The following USP45 variants were observed in gnomAD, a reference collection of about 807,000 sequenced individuals.
The protein encoded by USP45 is ubiquitin carboxyl-terminal hydrolase 45.
In USP45, 89 loss-of-function variants were observed where a neutral mutation model predicts 95.8. The observed-to-expected ratio is 0.93, with a 90% CI of 0.78 to 1.11. The LOEUF is 1.11. Ranked by LOEUF, USP45 falls within the 50% of genes least tolerant of loss-of-function variation. The pLI, the probability that USP45 is intolerant of heterozygous loss-of-function variation, is 0.00. For synonymous variants in USP45, 281 were observed against 316.2 expected, an observed-to-expected ratio of 0.89 and a Z score of 1.18; for missense variants, 898 against 942.5, an observed-to-expected ratio of 0.95 and a Z score of 0.62.
chr6:99,437,392 C>T lies in USP45; in HGVS notation c.2168G>A (p.Ser723Asn), dbSNP rs1780706154. ...PFCSATCKNA[S>N]VGDKVLYGLY... ...ACCGTAGAGAACTTTATCTCCCACA[C>T]TTGCATTCTTTTAAACAAAGAAAAA... is the stretch of plus-strand genomic sequence containing the variant. The change falls in exon 17 of 18, where the codon AGT becomes AAT. Residue 723 changes from serine to asparagine, a missense_variant. Transcript: ENST00000500704. The T allele has an allele frequency of 6.3e-7, 1 of 1,584,914 alleles. No individual in the cohort carries two copies. The highest frequency in any genetic ancestry group is 8.5e-7 in the Non-Finnish European group (1 of 1,172,386).
At chr6:99,510,322 T>C in intron 1 of USP45, 92 bp from the exon 2 acceptor site, 1 of 789,652 alleles carries the variant, frequency 1.3e-6, no homozygotes, top group Non-Finnish European at 2.0e-6. Flanking sequence ...CTGAAATGAC[T>C]TCAATTTCAA....
chr6:99,462,078 T>C, intron 13 of USP45: 3 of 985,358 alleles, frequency 3.0e-6, no homozygotes, highest in Non-Finnish European at 3.6e-6. Flanking sequence ...ACTTTTCTAA[T>C]TTTAGAACCG....
At chr6:99,441,485 T>C (rs1395551691) in intron 15 of USP45, among the ~76,000 whole-genome samples, 1 of 151,458 alleles carries the variant, frequency 6.6e-6, no homozygotes, top group Non-Finnish European at 1.5e-5. Flanking sequence ...TGAGCCGAGA[T>C]CGCGCCATTG....
chr6:99,468,995 T>C (rs1003708860), intron 9 of USP45, among the ~76,000 whole-genome samples: 2 of 152,124 alleles, frequency 1.3e-5, no homozygotes, highest in Non-Finnish European at 2.9e-5. Context: ...AAAAAGAAAA[T>C]AGACCATATG....
chr6:99,508,923 G>A, intron 2 of USP45, 141 bp from the exon 3 acceptor site: 1 of 648,020 alleles, frequency 1.5e-6, no homozygotes, highest in South Asian at 2.2e-5. Context: ...AAAGATATAT[G>A]CTATATAATT....
chr6:99,489,682 C>G (rs1299634373), intron 5 of USP45, among the ~76,000 whole-genome samples: 2 of 152,124 alleles, frequency 1.3e-5, no homozygotes, highest in Admixed American at 6.6e-5. Flanking sequence ...CACGGTGCCT[C>G]AGGCCTGTAA....
intron 8 of USP45, among the ~76,000 whole-genome samples, chr6:99,476,706 T>G (rs1391411790): frequency 6.6e-6 from 1 of 152,256 alleles, no homozygotes; most frequent in Non-Finnish European, 1.5e-5. Context: ...CAGTATTGTT[T>G]AAATCATTTG....
At chr6:99,515,348 G>C (rs1800963398) in intron 1 of USP45, 44 bp downstream of exon 1, 1 of 152,272 alleles carries the variant, frequency 6.6e-6, no homozygotes, top group Non-Finnish European at 1.5e-5. Flanking sequence ...AAACTGCGGC[G>C]ACCATACCGC....
upstream of USP45, among the ~76,000 whole-genome samples, chr6:99,517,267 C>T (rs531287788): frequency 6.6e-6 from 1 of 152,158 alleles, no homozygotes; most frequent in Non-Finnish European, 1.5e-5. Context: ...TATAACAAAA[C>T]ATCAAATAAA....
Position 99,465,064 on chromosome 6 carries a change from G to A in USP45, c.1164+16C>T, listed in dbSNP as rs746446520. 1 of 1,571,854 alleles carries A rather than the reference G, an allele frequency of 6.4e-7. No homozygotes were observed. Among genetic ancestry groups the A allele is most frequent in the South Asian group, 1.2e-5 (1 of 85,118 alleles). On this transcript the variant is annotated intron_variant, in intron 12 of 17. Transcript: ENST00000500704. Reference sequence around the variant, plus strand: ...GTTCTTCACCAAAGCTTCATCATTAGTTTTCTTCTCCTTACCCTTTCTTCT... The same window carrying A: ...GTTCTTCACCAAAGCTTCATCATTAATTTTCTTCTCCTTACCCTTTCTTCT...
At chr6:99,485,409 C>A (rs142166620) in intron 7 of USP45, among the ~76,000 whole-genome samples, 33 of 152,084 alleles carry the variant, frequency 2.2e-4, no homozygotes, top group African/African-American at 8.0e-4. Context: ...TTGCTGAAAA[C>A]GCAAGAAGGA....
At chr6:99,437,657 T>C (rs933559291) in intron 16 of USP45, among the ~76,000 whole-genome samples, 1 of 151,860 alleles carries the variant, frequency 6.6e-6, no homozygotes, top group African/African-American at 2.4e-5. Flanking sequence ...GTTTCTTTTT[T>C]TCTCTCTCTC....
chr6:99,504,904 T>C (rs749001929), intron 4 of USP45, among the ~76,000 whole-genome samples: 2 of 152,118 alleles, frequency 1.3e-5, no homozygotes, highest in Non-Finnish European at 2.9e-5. Context: ...GCCAATAGTA[T>C]TGAGATTGAG....
At chr6:99,487,727 G>A (rs757791996) in intron 7 of USP45, among the ~76,000 whole-genome samples, 14 of 151,696 alleles carry the variant, frequency 9.2e-5, no homozygotes, top group African/African-American at 2.7e-4. Flanking sequence ...CCCGGGAGGC[G>A]GAGCTTGCAG....
Position 99,503,757 on chromosome 6 carries a change from T to C in USP45, c.478+8A>G. 2 of 1,559,096 alleles carry C rather than the reference T, an allele frequency of 1.3e-6. No homozygotes were observed. The highest frequency in any genetic ancestry group is 1.7e-6 in the Non-Finnish European group (2 of 1,143,596). Reference sequence around the variant, plus strand: ...AACACAGATTCCTTTAGTCATCGCTTAACTTACTTGTTTGTGTTTTAGAAG... The same window carrying C: ...AACACAGATTCCTTTAGTCATCGCTCAACTTACTTGTTTGTGTTTTAGAAG... On this transcript the variant is annotated splice_region_variant and intron_variant, in intron 5 of 17. Coordinates refer to ENST00000500704, the MANE Select transcript of USP45 (RefSeq NM_001346022.3).
chr6:99,469,259 T>C (rs1427938104), intron 9 of USP45, among the ~76,000 whole-genome samples: 2 of 151,702 alleles, frequency 1.3e-5, no homozygotes, highest in Non-Finnish European at 2.9e-5. Context: ...CTACATCTCT[T>C]GTGTATGTTT....
chr6:99,458,992 T>C (rs1275289143), intron 13 of USP45, among the ~76,000 whole-genome samples: 2 of 152,210 alleles, frequency 1.3e-5, no homozygotes, highest in Admixed American at 6.5e-5. Context: ...ATTTATTTTT[T>C]CAACTTTTAT....
At chr6:99,474,895 C>T (rs372935213) in intron 9 of USP45, among the ~76,000 whole-genome samples, 23 of 152,252 alleles carry the variant, frequency 1.5e-4, no homozygotes, top group Admixed American at 1.2e-3. Flanking sequence ...ACTAATTTAA[C>T]GTTAAAGTCA....
At chr6:99,509,638 G>C (rs982093249) in intron 2 of USP45, among the ~76,000 whole-genome samples, 1 of 110,458 alleles carries the variant, frequency 9.1e-6, no homozygotes, top group Non-Finnish European at 1.9e-5. Context: ...TAGGCCATGA[G>C]AAAGAGACCA....
Sources: allele counts gnomAD v4.1 joint callset (sites outside exome capture counted in the v4.1 genomes callset), GRCh38; gene constraint gnomAD v4.1.1; transcripts MANE v1.5; gene names NCBI Gene and HGNC (gene_info 2026-07-23, HGNC 2026-07-21).